INSR: variants seen among roughly 807,000 people sequenced by gnomAD.
INSR encodes the protein IR.
In INSR, 67 loss-of-function variants were observed where a neutral mutation model predicts 142.6. That is an observed-to-expected ratio of 0.47 (90% CI 0.39 to 0.58). The LOEUF is 0.58. INSR is among the 20% of genes least tolerant of loss of function. The pLI, the probability that INSR is intolerant of heterozygous loss-of-function variation, is 0.00. For synonymous variants in INSR, 756 were observed against 743.1 expected (o/e 1.02, Z -0.28); for missense variants, 1,248 against 1,833.2 (o/e 0.68, Z 5.83).
intron 2 of INSR, among the ~76,000 whole-genome samples, chr19:7,215,636 T>C (rs1051510933): frequency 3.3e-5 from 5 of 151,874 alleles, no homozygotes; most frequent in African/African-American, 4.8e-5. Flanking sequence ...GGCATGATCT[T>C]GGCTCACTGC....
At chr19:7,254,077 T>C (rs1976818060) in intron 2 of INSR, among the ~76,000 whole-genome samples, 1 of 146,484 alleles carries the variant, frequency 6.8e-6, no homozygotes, top group Non-Finnish European at 1.5e-5. Context: ...AAAGGAAAAA[T>C]GAGCAAACAG....
In INSR at chr19:7,119,888, GCACACACATA is replaced by G. The variant is rs1972445358; in HGVS notation, c.3660-315_3660-306del. Among the ~76,000 whole-genome samples the G allele has an allele frequency of 6.6e-6, 1 of 150,814 alleles. No homozygotes were observed. The highest frequency in any genetic ancestry group is 1.9e-4 in the East Asian group (1 of 5,160). ...TGCAAACACACACAAACACACATAT[GCACACACATA>G]CACACACAAACACACACACAAACAC... On this transcript the variant is annotated intron_variant, in intron 20 of 21. Transcript: ENST00000302850. The surrounding 1 kb of genome is among the most constrained non-coding windows in gnomAD (Gnocchi z 5.2).
intron 2 of INSR, among the ~76,000 whole-genome samples, chr19:7,258,121 C>T (rs983234270): frequency 7.2e-5 from 11 of 152,130 alleles, no homozygotes; most frequent in African/African-American, 2.2e-4. Context: ...CCACCATGCC[C>T]GGCCAAAAAT....
At chr19:7,184,820 A>G (rs552385515) in intron 2 of INSR, among the ~76,000 whole-genome samples, 183 bp from the exon 3 acceptor site, 15 of 152,342 alleles carry the variant, frequency 9.8e-5, no homozygotes, top group African/African-American at 2.9e-4. Context: ...CATGTCAGAC[A>G]CATCTATTAA....
intron 2 of INSR, among the ~76,000 whole-genome samples, chr19:7,237,167 C>G (rs992489820): frequency 6.6e-6 from 1 of 151,844 alleles, no homozygotes; most frequent in African/African-American, 2.4e-5. Flanking sequence ...CAAATCACCA[C>G]GAAATAATTT....
chr19:7,244,132 T>C (rs1335955162), intron 2 of INSR, among the ~76,000 whole-genome samples: 1 of 152,158 alleles, frequency 6.6e-6, no homozygotes, highest in Non-Finnish European at 1.5e-5. Flanking sequence ...AAATATGCTA[T>C]TCATAGTAGC....
At chr19:7,252,558 G>A (rs909043975) in intron 2 of INSR, among the ~76,000 whole-genome samples, 1 of 152,108 alleles carries the variant, frequency 6.6e-6, no homozygotes, top group Non-Finnish European at 1.5e-5. Flanking sequence ...ACCAGCCGAC[G>A]GGCTTTGCAG....
chr19:7,193,758 T>C (rs1390102689), intron 2 of INSR, among the ~76,000 whole-genome samples: 6 of 152,008 alleles, frequency 3.9e-5, no homozygotes, highest in Admixed American at 2.6e-4. Flanking sequence ...GGCATGATCT[T>C]GGTTCACCGT....
chr19:7,123,898 G>A (rs554748956), intron 17 of INSR, among the ~76,000 whole-genome samples: 1 of 151,524 alleles, frequency 6.6e-6, no homozygotes, highest in Non-Finnish European at 1.5e-5. Context: ...ACTCCACTCT[G>A]GGCGACAGAG....
At chr19:7,144,885 G>A (rs972671100) in intron 11 of INSR, among the ~76,000 whole-genome samples, 2 of 151,936 alleles carry the variant, frequency 1.3e-5, no homozygotes, top group Non-Finnish European at 2.9e-5. Context: ...ACTTGTGGTT[G>A]CACCAGCAGG....
chr19:7,234,222 A>G (rs1301997195), intron 2 of INSR, among the ~76,000 whole-genome samples: 2 of 150,602 alleles, frequency 1.3e-5, no homozygotes, highest in Admixed American at 1.3e-4. Context: ...ATTATTTTAA[A>G]TGGAAATGGG....
At chr19:7,144,380 G>A (rs565534465) in intron 11 of INSR, among the ~76,000 whole-genome samples, 6 of 152,132 alleles carry the variant, frequency 3.9e-5, no homozygotes, top group African/African-American at 7.2e-5. Context: ...TACGTGAGTC[G>A]TCACTCACTT....
At chr19:7,164,057 G>A (rs1256479402) in intron 8 of INSR, among the ~76,000 whole-genome samples, 4 of 124,512 alleles carry the variant, frequency 3.2e-5, no homozygotes, top group South Asian at 5.6e-4. Context: ...ATGCGCCATT[G>A]AACTCCAGCC....
chr19:7,122,011 C>T lies in INSR; in HGVS notation c.3529+603G>A, dbSNP rs549908841. On this transcript the variant is annotated intron_variant, in intron 19 of 21. Coordinates refer to ENST00000302850, the MANE Select transcript of INSR (RefSeq NM_000208.4). ...TACAAAAAGTAGCTGGGTGTGGTGG[C>T]GCACGCCTGTAATCCTAGCTACTCA... 7.2e-5 allele frequency among the ~76,000 whole-genome samples: 11 copies of T among 152,136 alleles called. No individual in the cohort carries two copies. The South Asian group carries it at 1.5e-3, about 20-fold the overall frequency.
intron 2 of INSR, among the ~76,000 whole-genome samples, chr19:7,190,371 T>TTA (rs1230881490): frequency 2.5e-3 from 50 of 20,198 alleles, no homozygotes; most frequent in African/African-American, 9.8e-3. Context: ...CTTTGGTGGT[T>TTA]TTTTTTTTTT....
chr19:7,244,720 C>A (rs1249327943), intron 2 of INSR, among the ~76,000 whole-genome samples: 2 of 152,042 alleles, frequency 1.3e-5, no homozygotes. Flanking sequence ...AGATTAGAGA[C>A]AAGTTCTGTT....
At chr19:7,155,039 C>T (rs752799479) in intron 9 of INSR, among the ~76,000 whole-genome samples, 7 of 152,164 alleles carry the variant, frequency 4.6e-5, no homozygotes, top group Non-Finnish European at 8.8e-5. Context: ...CATAAATACA[C>T]AGTCACAGGT....
chr19:7,292,539 G>A (rs1318535232), intron 1 of INSR, among the ~76,000 whole-genome samples: 1 of 151,838 alleles, frequency 6.6e-6, no homozygotes, highest in East Asian at 1.9e-4. Context: ...AACCCGGTTG[G>A]TCCACTCTAG....
At chr19:7,210,752 CAG>C (rs1197252650) in intron 2 of INSR, among the ~76,000 whole-genome samples, 1 of 152,020 alleles carries the variant, frequency 6.6e-6, no homozygotes, top group Non-Finnish European at 1.5e-5. Context: ...CAGAGAGAGA[CAG>C]AGTCTTACTC....
Sources: allele counts gnomAD v4.1 joint callset (sites outside exome capture counted in the v4.1 genomes callset), GRCh38; gene constraint gnomAD v4.1.1; non-coding constraint Gnocchi (gnomAD v3.1); transcripts MANE v1.5; gene names NCBI Gene and HGNC (gene_info 2026-07-23, HGNC 2026-07-21).